EDIL3: variants seen among roughly 807,000 people sequenced by gnomAD.
EDIL3 encodes the protein EGF like and discoidin domains 3, also known as EGF-like repeat and discoidin I-like domain-containing protein 3.
Under a neutral mutation model 67.4 loss-of-function variants are expected in EDIL3, and 37 were observed. That is an observed-to-expected ratio of 0.55 (90% CI 0.42 to 0.72). EDIL3 has a LOEUF of 0.72. EDIL3 is among the 30% of genes least tolerant of loss of function. EDIL3 has a pLI of 0.00. For missense variants in EDIL3, 527 were observed against 586.3 expected (o/e 0.90, Z 1.04); for synonymous variants, 195 against 196.3 (o/e 0.99, Z 0.05).
At chr5:84,337,608 A>G (rs1747016382) in intron 1 of EDIL3, among the ~76,000 whole-genome samples, 1 of 152,182 alleles carries the variant, frequency 6.6e-6, no homozygotes. Flanking sequence ...TGATTCAGAT[A>G]TAACAAAGAA....
intron 2 of EDIL3, among the ~76,000 whole-genome samples, chr5:84,238,663 A>ATTTTT (rs371255305): frequency 5.6e-4 from 15 of 26,680 alleles, no homozygotes; most frequent in South Asian, 3.3e-3. Flanking sequence ...CTAAAATTAA[A>ATTTTT]TGTTTTTTTT....
chr5:84,322,493 T>C (rs1746669324), intron 1 of EDIL3, among the ~76,000 whole-genome samples: 1 of 151,910 alleles, frequency 6.6e-6, no homozygotes, highest in South Asian at 2.1e-4. Context: ...ATCAGCAAAG[T>C]CGAGGAAAAG....
intron 1 of EDIL3, among the ~76,000 whole-genome samples, chr5:84,287,012 A>G (rs1024331048): frequency 9.2e-5 from 14 of 152,200 alleles, no homozygotes; most frequent in African/African-American, 3.4e-4. Context: ...GCTCTTCTAA[A>G]AACAATCCTC....
chr5:84,313,985 C>G (rs1746460262), intron 1 of EDIL3, among the ~76,000 whole-genome samples: 1 of 152,028 alleles, frequency 6.6e-6, no homozygotes, highest in African/African-American at 2.4e-5. Context: ...CACCTGAAGT[C>G]AGGAGTTTCA....
In EDIL3 at chr5:84,277,207, G is replaced by T. The variant is rs1312886998; in HGVS notation, c.68-22995C>A. ...TGAAATTTTAACCCCCAAGGCGATG[G>T]TATTAAGAGGTGGGGCTTTTAGGCT... is the stretch of plus-strand genomic sequence containing the variant. On this transcript the variant is annotated intron_variant, in intron 1 of 10. Coordinates refer to ENST00000296591, the MANE Select transcript of EDIL3 (RefSeq NM_005711.5). Among the ~76,000 whole-genome samples the T allele has an allele frequency of 2.0e-5, 3 of 152,212 alleles. No homozygotes were observed. The East Asian group carries it at 5.8e-4, about 29-fold the overall frequency.
chr5:84,298,009 C>T (rs1229584422), intron 1 of EDIL3, among the ~76,000 whole-genome samples: 1 of 152,068 alleles, frequency 6.6e-6, no homozygotes, highest in East Asian at 1.9e-4. Context: ...GGTTTTAGAC[C>T]CCGGACCCCA....
chr5:84,181,895 A>C lies in EDIL3; in HGVS notation c.227-1374T>G, dbSNP rs913001124. ...CTGAAGAGGAAGTTAAGATGTACAT[A>C]TTAGAAAAGGAAAGCAAGGGTAATT... On this transcript the variant is annotated intron_variant, in intron 3 of 10. Transcript: ENST00000296591. Among the ~76,000 whole-genome samples, 221 of 152,296 alleles carry C rather than the reference A, an allele frequency of 1.5e-3. 1 individual carries two copies. Among genetic ancestry groups the C allele is most frequent in the African/African-American group, 5.1e-3 (210 of 41,580 alleles).
At chr5:84,284,992 A>C (rs937911300) in intron 1 of EDIL3, among the ~76,000 whole-genome samples, 8 of 152,226 alleles carry the variant, frequency 5.3e-5, no homozygotes, top group Non-Finnish European at 1.2e-4. Context: ...TTAGTTTAAC[A>C]AACAAAACAA....
intron 3 of EDIL3, among the ~76,000 whole-genome samples, chr5:84,228,444 C>T (rs1469401681): frequency 6.6e-6 from 1 of 152,052 alleles, no homozygotes; most frequent in Non-Finnish European, 1.5e-5. Context: ...AGAGGAAACT[C>T]ACAAACAGAT....
At chr5:84,342,532 G>C (rs1747136551) in intron 1 of EDIL3, among the ~76,000 whole-genome samples, 1 of 151,926 alleles carries the variant, frequency 6.6e-6, no homozygotes, top group South Asian at 2.1e-4. Flanking sequence ...ATATATCCAT[G>C]TAATAAAATT....
chr5:83,977,890 C>G (rs1199441221), intron 9 of EDIL3, among the ~76,000 whole-genome samples: 1 of 151,758 alleles, frequency 6.6e-6, no homozygotes, highest in African/African-American at 2.4e-5. Context: ...TAATGAATAA[C>G]AGATTTCCTA....
chr5:84,162,067 A>G (rs1012169563), intron 4 of EDIL3, among the ~76,000 whole-genome samples: 14 of 152,206 alleles, frequency 9.2e-5, no homozygotes, highest in African/African-American at 2.9e-4. Context: ...CACTGATCCC[A>G]GGTGTGTGCC....
chr5:84,028,969 G>A (rs987811954), intron 9 of EDIL3, among the ~76,000 whole-genome samples: 2 of 152,062 alleles, frequency 1.3e-5, no homozygotes, highest in Non-Finnish European at 2.9e-5. Context: ...ACAAGAAGAG[G>A]AGTTCCAGCT....
intron 3 of EDIL3, among the ~76,000 whole-genome samples, chr5:84,210,773 C>T (rs945097182): frequency 2.6e-5 from 4 of 152,066 alleles, no homozygotes; most frequent in African/African-American, 9.7e-5. Flanking sequence ...CCTTTTTCAT[C>T]GAATAGACTA....
At chr5:84,028,218 T>G (rs1188277440) in intron 9 of EDIL3, among the ~76,000 whole-genome samples, 2 of 152,188 alleles carry the variant, frequency 1.3e-5, no homozygotes, top group African/African-American at 2.4e-5. Context: ...AGGGGCTTAT[T>G]ATTTCCCGTC....
Position 84,241,515 on chromosome 5 carries a change from C to T in EDIL3, c.197-11631G>A, listed in dbSNP as rs1011604762. 9.9e-5 allele frequency among the ~76,000 whole-genome samples: 15 copies of T among 152,066 alleles called. No homozygotes were observed. In the South Asian group the frequency reaches 1.0e-3, roughly 11 times the overall value. ...CCTAAAGGACTGATTCCTAATTATG[C>T]AAGCCTTACCTACATTACTCATAAA... On this transcript the variant is annotated intron_variant, in intron 2 of 10. Transcript: ENST00000296591.
chr5:84,283,278 T>C (rs1405819865), intron 1 of EDIL3, among the ~76,000 whole-genome samples: 1 of 152,174 alleles, frequency 6.6e-6, no homozygotes, highest in African/African-American at 2.4e-5. Context: ...GTGATAATCA[T>C]TATAATAATT....
chr5:84,291,830 C>CAT (rs150859848), intron 1 of EDIL3, among the ~76,000 whole-genome samples: 4,034 of 145,908 alleles, frequency 0.028, 140 homozygotes, highest in African/African-American at 0.079. Context: ...TATACACACA[C>CAT]ATATATATAT....
At chr5:84,267,964 C>T (rs1338373889) in intron 1 of EDIL3, among the ~76,000 whole-genome samples, 1 of 152,000 alleles carries the variant, frequency 6.6e-6, no homozygotes, top group East Asian at 1.9e-4. Context: ...TGTTGAAACC[C>T]CATGTCTACT....
Sources: allele counts gnomAD v4.1 joint callset (sites outside exome capture counted in the v4.1 genomes callset), GRCh38; gene constraint gnomAD v4.1.1; transcripts MANE v1.5; gene names NCBI Gene and HGNC (gene_info 2026-07-23, HGNC 2026-07-21).